The following FBXL7 variants were observed in gnomAD, a reference collection of about 807,000 sequenced individuals.
FBXL7 encodes the protein F-box and leucine rich repeat protein 7.
In FBXL7, 12 loss-of-function variants were observed where a neutral mutation model predicts 38.3. The observed-to-expected ratio is 0.31, with a 90% confidence interval of 0.20 to 0.51. The LOEUF (loss-of-function observed/expected upper bound fraction) is 0.51. Ranked by LOEUF, FBXL7 falls within the 20% of genes least tolerant of loss-of-function variation. FBXL7 has a pLI of 0.98. For missense variants in FBXL7, 567 were observed against 676.4 expected (o/e 0.84, Z 1.79); for synonymous variants, 297 against 300.9 (o/e 0.99, Z 0.13).
chr5:15,615,860 T>C, intron 1 of FBXL7, 123 bp from the exon 2 acceptor site: 1 of 565,642 alleles, frequency 1.8e-6, no homozygotes. Context: ...ATAAACTCCA[T>C]TCTTTGTATT....
At chr5:15,882,680 A>G (rs1455480237) in intron 2 of FBXL7, among the ~76,000 whole-genome samples, 2 of 152,226 alleles carry the variant, frequency 1.3e-5, no homozygotes, top group Non-Finnish European at 2.9e-5. Context: ...ATGGCCTTTA[A>G]TGCAAGAAAC....
chr5:15,660,849 G>T (rs1397589632), intron 2 of FBXL7, among the ~76,000 whole-genome samples: 4 of 152,168 alleles, frequency 2.6e-5, no homozygotes, highest in Admixed American at 2.6e-4. Flanking sequence ...GTACACCGAG[G>T]TCCTTCCAGT....
At chr5:15,579,859 A>G (rs1021667988) in intron 1 of FBXL7, among the ~76,000 whole-genome samples, 1 of 152,056 alleles carries the variant, frequency 6.6e-6, no homozygotes, top group Non-Finnish European at 1.5e-5. Flanking sequence ...GGGCTTCCTC[A>G]CAGAATTACT....
chr5:15,764,466 A>G (rs1736532025), intron 2 of FBXL7, among the ~76,000 whole-genome samples: 1 of 152,192 alleles, frequency 6.6e-6, no homozygotes, highest in Non-Finnish European at 1.5e-5. Context: ...AAGAAGTAAG[A>G]AGGGAAAAGG....
At chr5:15,900,144 ATTT>A (rs1290175145) in intron 2 of FBXL7, among the ~76,000 whole-genome samples, 2 of 151,980 alleles carry the variant, frequency 1.3e-5, no homozygotes, top group East Asian at 3.9e-4. Flanking sequence ...TAATCAATTT[ATTT>A]TTTACACGAA....
chr5:15,779,477 A>G (rs77040102), intron 2 of FBXL7, among the ~76,000 whole-genome samples: 1 of 152,156 alleles, frequency 6.6e-6, no homozygotes, highest in Non-Finnish European at 1.5e-5. Context: ...GAGTACATAA[A>G]TGAAATTTTT....
Position 15,658,001 on chromosome 5 carries a change from T to C in FBXL7, c.127+41929T>C, listed in dbSNP as rs138321983. ...AGCCTCTGTGACTTTGGCCCCAAGA[T>C]TAAGATGTACCTTGTAAACTTTGAT... On this transcript the variant is annotated intron_variant, in intron 2 of 3. Transcript: ENST00000504595. Among the ~76,000 whole-genome samples the C allele has an allele frequency of 4.4e-3, 664 of 152,246 alleles. 4 individuals are homozygous for C. Among genetic ancestry groups the C allele is most frequent in the African/African-American group, 0.015 (634 of 41,554 alleles).
chr5:15,527,891 T>G (rs1479676206), intron 1 of FBXL7, among the ~76,000 whole-genome samples: 1 of 152,242 alleles, frequency 6.6e-6, no homozygotes, highest in African/African-American at 2.4e-5. Context: ...ATACTTCCTA[T>G]GTCAGAACAG....
At chr5:15,932,007 C>A (rs1382653162) in intron 3 of FBXL7, among the ~76,000 whole-genome samples, 2 of 152,150 alleles carry the variant, frequency 1.3e-5, no homozygotes, top group Non-Finnish European at 2.9e-5. Flanking sequence ...GAGCTTTGAG[C>A]TTTATAAGGG....
At chr5:15,676,846 T>C (rs1366145629) in intron 2 of FBXL7, among the ~76,000 whole-genome samples, 1 of 152,238 alleles carries the variant, frequency 6.6e-6, no homozygotes, top group Non-Finnish European at 1.5e-5. Context: ...ATGTTCCATA[T>C]GTTAAATCCT....
chr5:15,779,989 A>G (rs1736951398), intron 2 of FBXL7, among the ~76,000 whole-genome samples: 1 of 152,160 alleles, frequency 6.6e-6, no homozygotes, highest in South Asian at 2.1e-4. Flanking sequence ...TTTGTCAAAA[A>G]TGGATTTGAA....
chr5:15,799,151 C>T (rs1287565581), intron 2 of FBXL7, among the ~76,000 whole-genome samples: 1 of 152,076 alleles, frequency 6.6e-6, no homozygotes, highest in African/African-American at 2.4e-5. Context: ...ATTGAGGAAA[C>T]AGTAATCTAA....
intron 2 of FBXL7, among the ~76,000 whole-genome samples, chr5:15,733,359 G>A (rs1735663930): frequency 1.4e-5 from 2 of 140,480 alleles, no homozygotes; most frequent in Admixed American, 1.5e-4. Context: ...CCAAAGTGCT[G>A]GGATTACAGG....
At chr5:15,604,945 G>A (rs753125158) in intron 1 of FBXL7, among the ~76,000 whole-genome samples, 21 of 152,144 alleles carry the variant, frequency 1.4e-4, no homozygotes, top group Non-Finnish European at 2.8e-4. Context: ...GGTGTGTGCA[G>A]GGATCCTGTG....
chr5:15,814,015 G>C (rs1737940180), intron 2 of FBXL7, among the ~76,000 whole-genome samples: 1 of 152,220 alleles, frequency 6.6e-6, no homozygotes, highest in African/African-American at 2.4e-5. Flanking sequence ...GGAAGACAGT[G>C]TGATGATTCC....
intron 2 of FBXL7, among the ~76,000 whole-genome samples, chr5:15,768,232 C>G (rs890012609): frequency 3.9e-5 from 6 of 152,046 alleles, no homozygotes; most frequent in African/African-American, 1.4e-4. Flanking sequence ...TATCATTTGC[C>G]TAAACAGTAA....
rs561928248 is a variant in FBXL7, at chr5:15,938,284, G to A, written c.*1098G>A. 1.3e-5 allele frequency: 2 copies of A among 152,254 alleles called. No individual in the cohort carries two copies. The highest frequency in any genetic ancestry group is 1.3e-4 in the Admixed American group (2 of 15,300). 9.4% of individuals were successfully genotyped at this position (152,254 alleles called of 1,614,324 possible). On this transcript the variant is annotated 3_prime_UTR_variant, in exon 4 of 4. Coordinates refer to ENST00000504595, the MANE Select transcript of FBXL7 (RefSeq NM_012304.5). ...TCAGTGTTTTCAAATAGGAGTAAAG[G>A]CCCTTGCAATTTTTAATTAACAAGC...
chr5:15,854,128 C>T (rs995332997), intron 2 of FBXL7, among the ~76,000 whole-genome samples: 14 of 152,112 alleles, frequency 9.2e-5, no homozygotes, highest in Non-Finnish European at 2.1e-4. Flanking sequence ...CCAGAATACT[C>T]AGCAGAAATA....
intron 2 of FBXL7, among the ~76,000 whole-genome samples, chr5:15,692,673 C>T (rs962652540): frequency 6.6e-6 from 1 of 152,150 alleles, no homozygotes; most frequent in Non-Finnish European, 1.5e-5. Context: ...TAAAGGTGTT[C>T]CAAAGATCGT....
Sources: allele counts gnomAD v4.1 joint callset (sites outside exome capture counted in the v4.1 genomes callset), GRCh38; gene constraint gnomAD v4.1.1; transcripts MANE v1.5; gene names NCBI Gene and HGNC (gene_info 2026-07-23, HGNC 2026-07-21).